The following WDFY4 variants were observed in gnomAD, a reference collection of about 807,000 sequenced individuals.
The protein encoded by WDFY4 is WD repeat- and FYVE domain-containing protein 4.
In WDFY4, 169 loss-of-function variants were observed where a neutral mutation model predicts 351.9. That is an observed-to-expected ratio of 0.48 (90% CI 0.42 to 0.55). The LOEUF is 0.55. Ranked by LOEUF, WDFY4 falls within the 20% of genes least tolerant of loss-of-function variation. The pLI is 0.00. For missense variants in WDFY4, 3,803 were observed against 3,935.6 expected (o/e 0.97, Z 0.90); for synonymous variants, 1,622 against 1,574.6 (o/e 1.03, Z -0.71).
intron 13 of WDFY4, 35 bp from the exon 14 acceptor site, chr10:48,774,423 C>T: frequency 1.3e-6 from 2 of 1,549,598 alleles, no homozygotes; most frequent in Non-Finnish European, 8.7e-7. Flanking sequence ...GTGTTCTGCC[C>T]TGGAGGGCTC....
At chr10:48,913,972 T>G (rs1838258657) in intron 47 of WDFY4, 2 of 1,614,186 alleles carry the variant, frequency 1.2e-6, no homozygotes, top group East Asian at 4.5e-5. Flanking sequence ...ATCTTCCTGA[T>G]AAGATTCCGG....
chr10:48,807,039 G>T (rs2067279837), intron 27 of WDFY4, among the ~76,000 whole-genome samples: 1 of 152,056 alleles, frequency 6.6e-6, no homozygotes, highest in African/African-American at 2.4e-5. Flanking sequence ...TTCCCATTTT[G>T]CAGACTAAGA....
At chr10:48,850,298 C>A (rs2068914682) in intron 39 of WDFY4, among the ~76,000 whole-genome samples, 1 of 152,174 alleles carries the variant, frequency 6.6e-6, no homozygotes, top group African/African-American at 2.4e-5. Flanking sequence ...ATTTAAAATT[C>A]TTCTCTAAGG....
At chr10:48,751,072 C>T (rs1410836862) in intron 12 of WDFY4, among the ~76,000 whole-genome samples, 1 of 152,210 alleles carries the variant, frequency 6.6e-6, no homozygotes, top group African/African-American at 2.4e-5. Flanking sequence ...TATGGCTGCT[C>T]CTGCCTGCTC....
intron 4 of WDFY4, 121 bp downstream of exon 4, chr10:48,721,488 T>C: frequency 1.1e-6 from 1 of 875,144 alleles, no homozygotes; most frequent in Non-Finnish European, 1.8e-6. Flanking sequence ...AGGTTTATTA[T>C]TTCTCCTCCC....
At chr10:48,833,844 C>T (rs2068283576) in intron 39 of WDFY4, among the ~76,000 whole-genome samples, 1 of 152,188 alleles carries the variant, frequency 6.6e-6, no homozygotes, top group South Asian at 2.1e-4. Flanking sequence ...AGACAGCTGA[C>T]AGACACATTA....
At chr10:48,961,900 C>T (rs115326128) in intron 53 of WDFY4, among the ~76,000 whole-genome samples, 28 of 152,224 alleles carry the variant, frequency 1.8e-4, no homozygotes, top group African/African-American at 6.5e-4. Context: ...GAGACACCAG[C>T]CCAACGTCCT....
chr10:48,946,660 C>T (rs1452664688), intron 50 of WDFY4, among the ~76,000 whole-genome samples, 200 bp from the exon 51 acceptor site: 5 of 152,248 alleles, frequency 3.3e-5, no homozygotes, highest in African/African-American at 9.6e-5. Context: ...TCCATCTACA[C>T]GCCATCTTTA....
intron 47 of WDFY4, among the ~76,000 whole-genome samples, chr10:48,938,872 G>A (rs956640792): frequency 6.6e-6 from 1 of 152,170 alleles, no homozygotes; most frequent in Non-Finnish European, 1.5e-5. Context: ...ACCTGTCCTG[G>A]GTGGGAAGGG....
chr10:48,760,414 C>T lies in WDFY4; in HGVS notation c.2527C>T (p.Arg843Trp), dbSNP rs1268524128. Reference protein sequence around the residue: ...VVCIMVRLLPRLYHEDHPQLS... With the variant: ...VVCIMVRLLPWLYHEDHPQLS... ...GTGCATCATGGTGAGGCTGCTGCCT[C>T]GGTTGTACCATGAAGATCACCCACA... Residue 843 changes from arginine to tryptophan, a missense_variant, in exon 13 of 62, where the codon CGG becomes TGG. Arg to Trp is a moderately radical substitution (Grantham distance 101). Coordinates refer to ENST00000325239, the MANE Select transcript of WDFY4 (RefSeq NM_001394531.1). 62 of 1,551,530 alleles carry T rather than the reference C, an allele frequency of 4.0e-5. No individual in the cohort carries two copies. The highest frequency in any genetic ancestry group is 5.0e-5 in the Non-Finnish European group (57 of 1,146,988).
intron 13 of WDFY4, among the ~76,000 whole-genome samples, chr10:48,760,984 C>A (rs555344799): frequency 1.4e-4 from 21 of 152,014 alleles, no homozygotes; most frequent in Non-Finnish European, 2.4e-4. Context: ...TGAATTGTGA[C>A]GAGTGATATT....
chr10:48,791,762 G>A (rs891085371), intron 23 of WDFY4, among the ~76,000 whole-genome samples: 1 of 152,162 alleles, frequency 6.6e-6, no homozygotes, highest in African/African-American at 2.4e-5. Context: ...TCTGGTGTGG[G>A]GGCTGCTGGG....
intron 47 of WDFY4, among the ~76,000 whole-genome samples, chr10:48,905,024 T>C (rs1321145305): frequency 1.3e-5 from 2 of 152,214 alleles, no homozygotes; most frequent in Non-Finnish European, 2.9e-5. Flanking sequence ...CCTGGAGCAA[T>C]GCTGCATCAA....
Position 48,875,145 on chromosome 10 carries a change from TCA to T in WDFY4, c.7000+6_7000+7del. ...AAACAAATGCTGAAAACCAAGGTAT[TCA>T]GTTTATCTATTTTTTCCTTTAATAG... On this transcript the variant is annotated splice_donor_region_variant and intron_variant, in intron 42 of 61. Transcript: ENST00000325239. 6.9e-7 allele frequency: 1 copy of T among 1,440,902 alleles called. No individual in the cohort carries two copies. Among genetic ancestry groups the T allele is most frequent in the Non-Finnish European group, 9.2e-7 (1 of 1,090,092 alleles). The allele number at this position is 1,440,902 out of a possible 1,614,324, so 89.3% of individuals were successfully genotyped here.
intron 12 of WDFY4, among the ~76,000 whole-genome samples, chr10:48,747,988 G>A (rs1329162954): frequency 6.6e-6 from 1 of 152,198 alleles, no homozygotes; most frequent in African/African-American, 2.4e-5. Context: ...TCCAAGCCAG[G>A]CCTTGGCCAG....
intron 39 of WDFY4, among the ~76,000 whole-genome samples, chr10:48,844,591 TC>T (rs1333014866): frequency 7.2e-5 from 11 of 151,792 alleles, no homozygotes; most frequent in Non-Finnish European, 1.2e-4. Context: ...AAACTCCTTC[TC>T]GAACAAAAAA....
intron 47 of WDFY4, among the ~76,000 whole-genome samples, chr10:48,904,563 CAG>C (rs1038914877): frequency 1.3e-5 from 2 of 152,122 alleles, no homozygotes; most frequent in Non-Finnish European, 2.9e-5. Flanking sequence ...CTCCCTCTCT[CAG>C]GGAGGATTTT....
chr10:48,842,316 T>C (rs2068634167), intron 39 of WDFY4, among the ~76,000 whole-genome samples: 1 of 151,810 alleles, frequency 6.6e-6, no homozygotes, highest in Non-Finnish European at 1.5e-5. Flanking sequence ...ACAGGCATCA[T>C]CATTGCACAG....
intron 40 of WDFY4, among the ~76,000 whole-genome samples, chr10:48,868,691 A>T (rs950125862): frequency 6.6e-6 from 1 of 152,248 alleles, no homozygotes; most frequent in Non-Finnish European, 1.5e-5. Context: ...GGACATCCTC[A>T]TCACCACTAC....
Sources: gnomAD v4.1 joint callset for allele counts (sites outside exome capture counted in the v4.1 genomes callset) on GRCh38, gnomAD v4.1.1 for gene constraint, MANE v1.5 for transcripts, NCBI Gene and HGNC (gene_info 2026-07-23, HGNC 2026-07-21) for gene names.